Variants in DSCAM observed in about 807,000 individuals in gnomAD.
DSCAM encodes cell adhesion molecule DSCAM.
In DSCAM, 47 loss-of-function variants were observed where a neutral mutation model predicts 217.7. The observed-to-expected ratio is 0.22, with a 90% CI of 0.17 to 0.28. DSCAM has a LOEUF of 0.28. DSCAM is among the 10% of genes least tolerant of loss of function. The pLI, the probability that DSCAM is intolerant of heterozygous loss-of-function variation, is 1.00. For missense variants in DSCAM, 2,080 were observed against 2,618.3 expected (o/e 0.79, Z 4.49); for synonymous variants, 1,056 against 1,015.3 (o/e 1.04, Z -0.76).
At chr21:40,653,161 A>G (rs2090036162) in intron 3 of DSCAM, among the ~76,000 whole-genome samples, 1 of 152,196 alleles carries the variant, frequency 6.6e-6, no homozygotes, top group African/African-American at 2.4e-5. Context: ...ACTGTTTCAT[A>G]AACTATAACC....
chr21:40,094,124 A>G (rs2089646957), intron 20 of DSCAM, among the ~76,000 whole-genome samples: 1 of 152,150 alleles, frequency 6.6e-6, no homozygotes, highest in Non-Finnish European at 1.5e-5. Flanking sequence ...AGGCCACAGC[A>G]CTTCTGTATT....
At chr21:40,239,474 A>G (rs778259617) in intron 11 of DSCAM, among the ~76,000 whole-genome samples, 14 of 152,226 alleles carry the variant, frequency 9.2e-5, no homozygotes, top group Non-Finnish European at 2.1e-4. Context: ...CGATGAAAGA[A>G]GAGGCTCCTT....
rs555631412 is a variant in DSCAM at position 40,061,253 on chromosome 21, A to G, written c.4919+1616T>C. ...ATCTTGGCAGATGGCACCAACATTCATCAGATCAGTCACAACAAATGTATT... is the reference window on the plus strand; with the variant it reads ...ATCTTGGCAGATGGCACCAACATTCGTCAGATCAGTCACAACAAATGTATT... On this transcript the variant is annotated intron_variant, in intron 28 of 32. Transcript: ENST00000400454. Among the ~76,000 whole-genome samples the G allele has an allele frequency of 7.3e-4, 111 of 152,274 alleles. 5 individuals are homozygous for G. The South Asian group carries it at 0.019, about 26-fold the overall frequency.
chr21:40,697,673 A>T (rs1368142248), intron 2 of DSCAM, among the ~76,000 whole-genome samples: 1 of 152,198 alleles, frequency 6.6e-6, no homozygotes, highest in African/African-American at 2.4e-5. Flanking sequence ...TGGATTCTCT[A>T]TTCTATCCCA....
rs371411092 is a variant in DSCAM at position 40,654,057 on chromosome 21, T to C, written c.508+38753A>G. ...TTGCAGTGAGCCGAGACCACACTAT[T>C]GCACTCCAGCCTGGGTGACAGATTG... On this transcript the variant is annotated intron_variant, in intron 3 of 32. Transcript: ENST00000400454. Among the ~76,000 whole-genome samples, 132 of 151,078 alleles carry C rather than the reference T, an allele frequency of 8.7e-4. 2 individuals carry two copies. The highest frequency in any genetic ancestry group is 3.0e-3 in the African/African-American group (123 of 41,038).
At chr21:40,344,326 C>T (rs544678342) in intron 6 of DSCAM, among the ~76,000 whole-genome samples, 48 of 152,096 alleles carry the variant, frequency 3.2e-4, no homozygotes, top group Non-Finnish European at 4.0e-4. Context: ...ATAGATATGT[C>T]TCCATTTTAT....
intron 3 of DSCAM, among the ~76,000 whole-genome samples, chr21:40,569,031 T>G (rs1300795768): frequency 6.6e-6 from 1 of 152,140 alleles, no homozygotes; most frequent in East Asian, 1.9e-4. Context: ...CCCTGCCTAG[T>G]AGCATTTCTT....
intron 1 of DSCAM, among the ~76,000 whole-genome samples, chr21:40,793,268 A>T (rs1343986067): frequency 6.6e-6 from 1 of 152,070 alleles, no homozygotes; most frequent in African/African-American, 2.4e-5. Context: ...GATGGGAGGG[A>T]TTCTGAGGTT....
At chr21:40,228,934 G>A (rs1199904227) in intron 11 of DSCAM, among the ~76,000 whole-genome samples, 2 of 152,012 alleles carry the variant, frequency 1.3e-5, no homozygotes, top group African/African-American at 4.8e-5. Flanking sequence ...ATTCCTGTAT[G>A]TATCCATTGT....
chr21:40,718,539 C>T (rs144331210), intron 1 of DSCAM, among the ~76,000 whole-genome samples: 83 of 152,208 alleles, frequency 5.5e-4, no homozygotes, highest in East Asian at 1.9e-3. Flanking sequence ...TTCTAACAAC[C>T]GTCAGATCTC....
At chr21:40,408,859 C>T (rs187568581) in intron 3 of DSCAM, among the ~76,000 whole-genome samples, 8 of 152,190 alleles carry the variant, frequency 5.3e-5, no homozygotes, top group South Asian at 2.1e-4. Flanking sequence ...AGTGTGATTC[C>T]GATAAATGAG....
At chr21:40,130,794 A>G (rs2090147283) in intron 19 of DSCAM, among the ~76,000 whole-genome samples, 1 of 152,198 alleles carries the variant, frequency 6.6e-6, no homozygotes, top group Non-Finnish European at 1.5e-5. Context: ...AAATATTTCT[A>G]TTGCAAATAA....
At chr21:40,294,140 A>G (rs111790841) in intron 10 of DSCAM, among the ~76,000 whole-genome samples, 1,737 of 152,336 alleles carry the variant, frequency 0.011, 31 homozygotes, top group African/African-American at 0.04. Context: ...CAAAAAAGCT[A>G]CTATTACAAC....
chr21:40,248,577 G>A (rs866547307), intron 11 of DSCAM, among the ~76,000 whole-genome samples: 3 of 152,154 alleles, frequency 2.0e-5, no homozygotes, highest in Non-Finnish European at 4.4e-5. Context: ...TCAGCCTGAC[G>A]TTATTGTCCA....
rs1475665499 is a variant in DSCAM, at chr21:40,834,545, C to T, written c.43+12074G>A. Among the ~76,000 whole-genome samples, 31 of 151,728 alleles carry T rather than the reference C, an allele frequency of 2.0e-4. 1 individual carries two copies. The highest frequency in any genetic ancestry group is 1.9e-3 in the Admixed American group (29 of 15,224). Reference sequence around the variant, plus strand: ...TTTACAATAACCCATAATGCCTATGCCTGTGCACTTCAGAAAAAAATAATT... The same window carrying T: ...TTTACAATAACCCATAATGCCTATGTCTGTGCACTTCAGAAAAAAATAATT... On this transcript the variant is annotated intron_variant, in intron 1 of 32. Coordinates refer to ENST00000400454, the MANE Select transcript of DSCAM (RefSeq NM_001389.5).
intron 11 of DSCAM, among the ~76,000 whole-genome samples, chr21:40,215,757 C>T (rs1280660801): frequency 6.6e-6 from 1 of 151,968 alleles, no homozygotes; most frequent in African/African-American, 2.4e-5. Flanking sequence ...CACGATTCAT[C>T]CACGTAACCA....
intron 9 of DSCAM, among the ~76,000 whole-genome samples, chr21:40,300,128 A>G (rs1433251559): frequency 2.0e-5 from 3 of 151,972 alleles, no homozygotes; most frequent in African/African-American, 7.3e-5. Context: ...CTTACTCAAC[A>G]AACCTCCTGA....
Position 40,044,175 on chromosome 21 carries a change from G to T in DSCAM, c.5286C>A (p.His1762Gln). ...LNRPHPTISA[H>Q]TLTTDWRLPT... Reference sequence around the variant, plus strand: ...GCAGCCTCCAGTCTGTGGTGAGGGTGTGTGCTGAGATGGTGGGGTGGGGTC... The same window carrying T: ...GCAGCCTCCAGTCTGTGGTGAGGGTTTGTGCTGAGATGGTGGGGTGGGGTC... Residue 1762 changes from histidine to glutamine, a missense_variant, in exon 31 of 33, where the codon CAC (histidine) becomes CAA (glutamine). Around this residue, in one of 5 missense-constraint regions of DSCAM, gnomAD observed 1,144 missense variants for 1,421.1 expected, o/e 0.81. Coordinates refer to ENST00000400454, the MANE Select transcript of DSCAM (RefSeq NM_001389.5). 1 of 1,614,176 alleles carries T rather than the reference G, an allele frequency of 6.2e-7. No homozygotes were observed. The highest frequency in any genetic ancestry group is 8.5e-7 in the Non-Finnish European group (1 of 1,180,030).
intron 11 of DSCAM, among the ~76,000 whole-genome samples, chr21:40,214,255 A>G (rs1185634040): frequency 2.0e-5 from 3 of 152,210 alleles, no homozygotes. Context: ...TAATGCACTC[A>G]TGGACGTGGG....
Sources: allele counts gnomAD v4.1 joint callset (sites outside exome capture counted in the v4.1 genomes callset), GRCh38; gene constraint gnomAD v4.1.1; regional missense constraint gnomAD v4.1.1; transcripts MANE v1.5; gene names NCBI Gene and HGNC (gene_info 2026-07-23, HGNC 2026-07-21).